EPHA5: variants seen among roughly 807,000 people sequenced by gnomAD.
EPHA5 encodes EPH receptor A5, also known as ephrin type-A receptor 5.
A neutral mutation model predicts 105.0 loss-of-function variants in EPHA5; 60 were observed. That is an observed-to-expected ratio of 0.57 (90% CI 0.46 to 0.71). The LOEUF (loss-of-function observed/expected upper bound fraction) is 0.71, where lower values mean the gene tolerates loss of function less well. EPHA5 is among the 30% of genes least tolerant of loss of function. The pLI is 0.00. For missense variants in EPHA5, 1,218 were observed against 1,274.7 expected, an observed-to-expected ratio of 0.96 and a Z score of 0.68; for synonymous variants, 513 against 449.1, an observed-to-expected ratio of 1.14 and a Z score of -1.80.
At chr4:65,406,866 AC>A (rs2148996891) in intron 7 of EPHA5, among the ~76,000 whole-genome samples, 1 of 152,134 alleles carries the variant, frequency 6.6e-6, no homozygotes, top group East Asian at 1.9e-4. Flanking sequence ...CATTAATCAA[AC>A]AAAAAAATCA....
intron 5 of EPHA5, among the ~76,000 whole-genome samples, chr4:65,453,393 T>C (rs1727252941): frequency 6.6e-6 from 1 of 152,174 alleles, no homozygotes; most frequent in Admixed American, 6.6e-5. Flanking sequence ...TCAATGAAAC[T>C]GCCGTGGGCC....
intron 5 of EPHA5, among the ~76,000 whole-genome samples, chr4:65,465,224 T>C (rs1011558446): frequency 6.6e-6 from 1 of 151,752 alleles, no homozygotes; most frequent in African/African-American, 2.4e-5. Context: ...GTTCACAGGG[T>C]CAGGAGTTCA....
At chr4:65,537,255 G>A (rs1342448873) in intron 3 of EPHA5, among the ~76,000 whole-genome samples, 1 of 151,768 alleles carries the variant, frequency 6.6e-6, no homozygotes, top group African/African-American at 2.4e-5. Flanking sequence ...GAACATTATT[G>A]TCTTACAGTC....
chr4:65,580,607 C>A (rs12504542), intron 3 of EPHA5, among the ~76,000 whole-genome samples: 6,530 of 151,486 alleles, frequency 0.043, 183 homozygotes, highest in Non-Finnish European at 0.062. Flanking sequence ...AAACACATAT[C>A]AAATAAAATA....
chr4:65,396,615 T>C (rs141424666), intron 8 of EPHA5, among the ~76,000 whole-genome samples: 165 of 152,298 alleles, frequency 1.1e-3, no homozygotes, highest in African/African-American at 3.7e-3. Context: ...CATGTGTGTA[T>C]ACTGGAAGGG....
At chr4:65,334,880 CTT>C (rs1383779512) in intron 15 of EPHA5, among the ~76,000 whole-genome samples, 1 of 151,720 alleles carries the variant, frequency 6.6e-6, no homozygotes, top group Non-Finnish European at 1.5e-5. Context: ...AAGAGAAAGT[CTT>C]AATATTTTAC....
chr4:65,455,788 T>G (rs934072091), intron 5 of EPHA5, among the ~76,000 whole-genome samples: 1 of 152,194 alleles, frequency 6.6e-6, no homozygotes, highest in Admixed American at 6.5e-5. Context: ...CTAACCTTCA[T>G]TGGCCCAGAC....
chr4:65,559,981 T>A (rs898014323), intron 3 of EPHA5, among the ~76,000 whole-genome samples: 1 of 152,162 alleles, frequency 6.6e-6, no homozygotes, highest in Non-Finnish European at 1.5e-5. Flanking sequence ...CATAAGGATA[T>A]TACCTAAATC....
chr4:65,486,702 C>T lies in EPHA5; in HGVS notation c.1402+3675G>A, dbSNP rs547265118. On this transcript the variant is annotated intron_variant, in intron 5 of 16. Transcript: ENST00000613740. ...AGGCATTAAAAACTACTACAAAACACTTTCTGCAATTTGGGTACTTAAAAA... is the reference window on the plus strand; with the variant it reads ...AGGCATTAAAAACTACTACAAAACATTTTCTGCAATTTGGGTACTTAAAAA... 9.2e-4 allele frequency among the ~76,000 whole-genome samples: 140 copies of T among 152,332 alleles called. 1 individual carries two copies. The highest frequency in any genetic ancestry group is 3.2e-3 in the African/African-American group (131 of 41,570).
chr4:65,514,059 C>G (rs930996745), intron 3 of EPHA5, among the ~76,000 whole-genome samples: 7 of 152,084 alleles, frequency 4.6e-5, no homozygotes, highest in Admixed American at 2.0e-4. Context: ...CACAAACAAA[C>G]ATATGGCTTT....
In EPHA5 at chr4:65,322,339, A is replaced by G; in HGVS notation, c.*1775T>C. 1 of 224,498 alleles carries G rather than the reference A, an allele frequency of 4.5e-6. No individual in the cohort carries two copies. The highest frequency in any genetic ancestry group is 6.4e-5 in the East Asian group (1 of 15,650). The allele number at this position is 224,498 out of a possible 1,614,324, so 13.9% of individuals were successfully genotyped here. A position where few individuals can be genotyped will look rare whatever the true frequency, so the allele number is the denominator to read the frequency against. On this transcript the variant is annotated 3_prime_UTR_variant, in exon 17 of 17. Transcript: ENST00000613740. The stretch of plus-strand genomic sequence containing the variant: ...TTATTCTTATATGTGCTAATATTCA[A>G]ATAAAACAAGTGCTTGGAAAAAAGA...
intron 2 of EPHA5, among the ~76,000 whole-genome samples, chr4:65,622,980 C>A (rs566056043): frequency 8.5e-5 from 13 of 152,162 alleles, no homozygotes; most frequent in African/African-American, 3.1e-4. Context: ...AGTTTAAGAG[C>A]ATATATTCAT....
chr4:65,407,515 T>TAAGTA (rs1722475747), intron 7 of EPHA5, among the ~76,000 whole-genome samples: 1 of 7,004 alleles, frequency 1.4e-4, no homozygotes, highest in South Asian at 0.023. Context: ...GTTAAAATGC[T>TAAGTA]AAGACATTTT....
chr4:65,574,951 A>G (rs887208714), intron 3 of EPHA5, among the ~76,000 whole-genome samples: 3 of 151,750 alleles, frequency 2.0e-5, no homozygotes, highest in Non-Finnish European at 2.9e-5. Context: ...TATTTTATTG[A>G]ACAAGGTTTC....
intron 8 of EPHA5, among the ~76,000 whole-genome samples, chr4:65,382,843 G>A (rs1377558912): frequency 1.3e-5 from 2 of 151,580 alleles, no homozygotes; most frequent in Admixed American, 6.6e-5. Flanking sequence ...AACACGTATT[G>A]TATTGAACTG....
intron 5 of EPHA5, among the ~76,000 whole-genome samples, chr4:65,465,546 GAAA>G (rs1728624202): frequency 2.6e-5 from 2 of 77,760 alleles, no homozygotes; most frequent in African/African-American, 8.5e-5. Flanking sequence ...GGAAAGGAAG[GAAA>G]GGAAGGAAAG....
intron 14 of EPHA5, among the ~76,000 whole-genome samples, chr4:65,337,973 A>G (rs1482235055): frequency 6.6e-6 from 1 of 152,114 alleles, no homozygotes; most frequent in Non-Finnish European, 1.5e-5. Flanking sequence ...CTCAAAAACA[A>G]TATAGTAATT....
At chr4:65,625,104 A>G (rs1372316799) in intron 2 of EPHA5, among the ~76,000 whole-genome samples, 1 of 152,216 alleles carries the variant, frequency 6.6e-6, no homozygotes, top group Non-Finnish European at 1.5e-5. Flanking sequence ...TAGATAATAA[A>G]GGAAACACTA....
chr4:65,516,587 T>C lies in EPHA5; in HGVS notation c.911-21044A>G, dbSNP rs563664190. ...GTGGGCATGCGCGCGTGCATATGTC[T>C]GTGTGTCTGTGTTTCCTACTGGTTC... On this transcript the variant is annotated intron_variant, in intron 3 of 16. Coordinates refer to ENST00000613740, the MANE Select transcript of EPHA5 (RefSeq NM_001281766.3). 3.3e-5 allele frequency among the ~76,000 whole-genome samples: 5 copies of C among 152,192 alleles called. No individual in the cohort carries two copies. The East Asian group carries it at 9.7e-4, about 29-fold the overall frequency.
Sources: gnomAD v4.1 joint callset for allele counts (sites outside exome capture counted in the v4.1 genomes callset) on GRCh38, gnomAD v4.1.1 for gene constraint, MANE v1.5 for transcripts, NCBI Gene and HGNC (gene_info 2026-07-23, HGNC 2026-07-21) for gene names.